CLCN5: variants seen among roughly 807,000 people sequenced by gnomAD.
CLCN5 encodes H(+)/Cl(-) exchange transporter 5.
Under a neutral mutation model 54.0 loss-of-function variants are expected in CLCN5, and 17 were observed. The ratio of observed to expected loss-of-function variants is 0.31; its 90% CI spans 0.22 to 0.47. The LOEUF (loss-of-function observed/expected upper bound fraction) is 0.47, where lower values mean the gene tolerates loss of function less well. Ranked by LOEUF, CLCN5 falls within the 20% of genes least tolerant of loss-of-function variation. The pLI is 1.00. For missense variants in CLCN5, 448 were observed against 646.7 expected, an observed-to-expected ratio of 0.69 and a Z score of 3.33; for synonymous variants, 222 against 233.0, an observed-to-expected ratio of 0.95 and a Z score of 0.43.
chrX:49,994,968 G>A (rs1179622109), intron 3 of CLCN5, among the ~76,000 whole-genome samples: 1 of 111,784 alleles, frequency 8.9e-6, no homozygotes, highest in African/African-American at 3.3e-5. Context: ...ACTATAATCC[G>A]GTTCCCCAGA....
chrX:50,097,386 A>T lies in CLCN5; in HGVS notation c.*5167A>T, dbSNP rs561574788. 11 of 111,956 alleles carry T rather than the reference A, an allele frequency of 9.8e-5. No homozygotes were observed. The South Asian group carries it at 4.1e-3, about 42-fold the overall frequency. 9.2% of individuals were successfully genotyped at this position (111,956 alleles called of 1,213,427 possible). Reference sequence around the variant, plus strand: ...GACGTGTGGAGTTTGCATTTCTTGGATGGGACCTATCGGGTCACCCAGCCC... The same window carrying T: ...GACGTGTGGAGTTTGCATTTCTTGGTTGGGACCTATCGGGTCACCCAGCCC... On this transcript the variant is annotated 3_prime_UTR_variant, in exon 15 of 15. Coordinates refer to ENST00000376091, the MANE Select transcript of CLCN5 (RefSeq NM_001127898.4).
chrX:50,059,932 A>G (rs1424889511), intron 4 of CLCN5, among the ~76,000 whole-genome samples: 1 of 105,385 alleles, frequency 9.5e-6, no homozygotes, highest in African/African-American at 3.5e-5. Flanking sequence ...GCTAAATACT[A>G]TAGCTGCTAA....
At chrX:50,027,299 C>T (rs906071675) in intron 3 of CLCN5, among the ~76,000 whole-genome samples, 65 of 111,682 alleles carry the variant, frequency 5.8e-4, no homozygotes, top group Non-Finnish European at 4.7e-4. Context: ...CAGGGGTGAG[C>T]AACCAACCAC....
chrX:49,952,123 T>A (rs989068103), intron 3 of CLCN5, among the ~76,000 whole-genome samples: 1 of 111,912 alleles, frequency 8.9e-6, no homozygotes, highest in Non-Finnish European at 1.9e-5. Flanking sequence ...TGAATTTCTC[T>A]TGTCTAATCT....
chrX:50,092,696 G>A lies in CLCN5; in HGVS notation c.*477G>A, dbSNP rs1035298488. ...AAACCAGAGAAAGGAAAGCCAGAAGGAAAAGAGTAATGGTATTTTCTAGAC... is the reference window on the plus strand; with the variant it reads ...AAACCAGAGAAAGGAAAGCCAGAAGAAAAAGAGTAATGGTATTTTCTAGAC... On this transcript the variant is annotated 3_prime_UTR_variant, in exon 15 of 15. Coordinates refer to ENST00000376091, the MANE Select transcript of CLCN5 (RefSeq NM_001127898.4). 5 of 125,799 alleles carry A rather than the reference G, an allele frequency of 4.0e-5. No homozygotes were observed. Among genetic ancestry groups the A allele is most frequent in the Non-Finnish European group, 8.2e-5 (5 of 61,093 alleles). The allele number at this position is 125,799 out of a possible 1,213,427, so 10.4% of individuals were successfully genotyped here.
At chrX:50,076,681 C>A (rs782718092) in intron 7 of CLCN5, among the ~76,000 whole-genome samples, 10 of 111,036 alleles carry the variant, frequency 9.0e-5, no homozygotes, top group African/African-American at 2.9e-4. Flanking sequence ...GCGTGCACCA[C>A]CACACCTAGA....
chrX:49,944,558 T>A (rs1445262746), intron 3 of CLCN5, among the ~76,000 whole-genome samples: 17 of 111,875 alleles, frequency 1.5e-4, no homozygotes, highest in African/African-American at 5.5e-4. Flanking sequence ...AAATAGCTCT[T>A]ATTATTTTGA....
intron 4 of CLCN5, among the ~76,000 whole-genome samples, chrX:50,049,501 C>A (rs782764626): frequency 1.8e-5 from 2 of 111,891 alleles, no homozygotes; most frequent in Non-Finnish European, 3.8e-5. Context: ...AATTGTTAAC[C>A]CATACCCTCC....
chrX:50,010,466 C>T (rs1418888821), intron 3 of CLCN5, among the ~76,000 whole-genome samples: 1 of 111,414 alleles, frequency 9.0e-6, no homozygotes, highest in Non-Finnish European at 1.9e-5. Flanking sequence ...TGGTCTCAAA[C>T]TCCTAGGCTC....
intron 3 of CLCN5, among the ~76,000 whole-genome samples, chrX:50,012,173 AT>A (rs1409353929): frequency 9.0e-6 from 1 of 111,112 alleles, no homozygotes; most frequent in East Asian, 2.8e-4. Flanking sequence ...GAGTCTTCCC[AT>A]CATCCCCTCT....
intron 3 of CLCN5, among the ~76,000 whole-genome samples, chrX:49,936,967 C>T (rs1165312518): frequency 1.8e-5 from 2 of 111,378 alleles, no homozygotes; most frequent in Non-Finnish European, 3.8e-5. Context: ...GTGGTTCACG[C>T]CTGTAATCCC....
intron 7 of CLCN5, among the ~76,000 whole-genome samples, chrX:50,078,067 G>T (rs896321205): frequency 2.8e-5 from 3 of 106,676 alleles, no homozygotes; most frequent in African/African-American, 1.0e-4. Context: ...GACTGAGTGA[G>T]GTGTGCCTCA....
chrX:50,089,371 C>T (rs1447564127), intron 12 of CLCN5, among the ~76,000 whole-genome samples: 2 of 111,704 alleles, frequency 1.8e-5, no homozygotes, highest in African/African-American at 3.3e-5. Context: ...GGAAACATGG[C>T]AGAAAATTAA....
chrX:49,957,540 C>T (rs1476843995), intron 3 of CLCN5, among the ~76,000 whole-genome samples: 1 of 111,702 alleles, frequency 9.0e-6, no homozygotes, highest in Admixed American at 9.5e-5. Flanking sequence ...TCTCCATTAC[C>T]TTTCAGTTCC....
At chrX:49,974,207 C>T (rs1326779686) in intron 3 of CLCN5, among the ~76,000 whole-genome samples, 1 of 111,929 alleles carries the variant, frequency 8.9e-6, no homozygotes, top group Non-Finnish European at 1.9e-5. Context: ...CATTTGTGTA[C>T]GAGTCTTTTG....
Position 50,088,856 on chromosome X carries a change from T to C in CLCN5, c.1716T>C (p.Tyr572=). Residue 572 remains tyrosine, a synonymous_variant, in exon 12 of 15, where the codon TAT becomes TAC. Transcript: ENST00000376091. ...CTGATTGCATCACCCCCGGCCTTTATGCAATGGTTGGGGCTGCAGCCTGCT... is the reference window on the plus strand; with the variant it reads ...CTGATTGCATCACCCCCGGCCTTTACGCAATGGTTGGGGCTGCAGCCTGCT... ...QGADCITPGL[Y]AMVGAAACLG... is the part of the protein sequence containing the mutation. The C allele has an allele frequency of 2.5e-6, 3 of 1,211,498 alleles. No homozygotes were observed. The highest frequency in any genetic ancestry group is 3.4e-6 in the Non-Finnish European group (3 of 895,279).
At chrX:49,997,953 C>T (rs1557179871) in intron 3 of CLCN5, among the ~76,000 whole-genome samples, 1 of 111,503 alleles carries the variant, frequency 9.0e-6, no homozygotes, top group Non-Finnish European at 1.9e-5. Context: ...CCTTTCTGGC[C>T]TCAGACAAGG....
At chrX:50,009,593 T>C (rs1181340698) in intron 3 of CLCN5, 2 of 330,350 alleles carry the variant, frequency 6.1e-6, no homozygotes, top group Non-Finnish European at 1.2e-5. Context: ...TGAATACATA[T>C]GCTATCCCTG....
intron 3 of CLCN5, among the ~76,000 whole-genome samples, chrX:49,963,432 A>G (rs1215926985): frequency 4.5e-5 from 5 of 111,777 alleles, no homozygotes; most frequent in Non-Finnish European, 7.5e-5. Context: ...ACCCCAATCC[A>G]TATGTGTGTA....
Sources: gnomAD v4.1 joint callset for allele counts (sites outside exome capture counted in the v4.1 genomes callset) on GRCh38, gnomAD v4.1.1 for gene constraint, MANE v1.5 for transcripts, NCBI Gene and HGNC (gene_info 2026-07-23, HGNC 2026-07-21) for gene names.